CACNA2D3: variants seen among roughly 807,000 people sequenced by gnomAD.
CACNA2D3 encodes the protein voltage-dependent calcium channel subunit alpha-2/delta-3.
Under a neutral mutation model 160.6 loss-of-function variants are expected in CACNA2D3, and 60 were observed. That is an observed-to-expected ratio of 0.37 (90% CI 0.30 to 0.46). The LOEUF (loss-of-function observed/expected upper bound fraction) is 0.46. CACNA2D3 is among the 20% of genes least tolerant of loss of function. The pLI, the probability that CACNA2D3 is intolerant of heterozygous loss-of-function variation, is 1.00. For missense variants in CACNA2D3, 1,205 were observed against 1,365.0 expected (o/e 0.88, Z 1.85); for synonymous variants, 558 against 492.9 (o/e 1.13, Z -1.75).
At chr3:54,652,783 C>T (rs1315976965) in intron 11 of CACNA2D3, among the ~76,000 whole-genome samples, 9 of 118,250 alleles carry the variant, frequency 7.6e-5, no homozygotes, top group Admixed American at 9.3e-5. Context: ...CCATGGGAGG[C>T]TTTTTTTTTT....
chr3:54,906,330 C>T (rs1700447649), intron 27 of CACNA2D3, among the ~76,000 whole-genome samples: 1 of 152,060 alleles, frequency 6.6e-6, no homozygotes. Context: ...ATGTGGTTGG[C>T]AGTGGCAAAG....
intron 4 of CACNA2D3, among the ~76,000 whole-genome samples, chr3:54,415,035 G>A (rs72973120): frequency 0.11 from 17,194 of 151,922 alleles, 1,189 homozygotes; most frequent in African/African-American, 0.18. Flanking sequence ...TGTAAAGGGG[G>A]CATTTGGGGA....
intron 2 of CACNA2D3, among the ~76,000 whole-genome samples, chr3:54,295,820 T>C (rs1703330184): frequency 6.6e-6 from 1 of 152,226 alleles, no homozygotes; most frequent in African/African-American, 2.4e-5. Flanking sequence ...CTATAAATTT[T>C]TGTAGTTATC....
In CACNA2D3 at chr3:54,489,599, G is replaced by A. The variant is rs923552212; in HGVS notation, c.382-13893G>A. On this transcript the variant is annotated intron_variant, in intron 4 of 37. Coordinates refer to ENST00000474759, the MANE Select transcript of CACNA2D3 (RefSeq NM_018398.3). ...GGTTATAAACTCATTTTATAGATGCGGAGCTGAGAGGCTGTAGATAAGGAG... is the reference window on the plus strand; with the variant it reads ...GGTTATAAACTCATTTTATAGATGCAGAGCTGAGAGGCTGTAGATAAGGAG... Among the ~76,000 whole-genome samples the A allele has an allele frequency of 6.6e-5, 10 of 152,168 alleles. 1 individual carries two copies. Among genetic ancestry groups the A allele is most frequent in the Non-Finnish European group, 8.8e-5 (6 of 68,042 alleles).
chr3:54,137,191 A>G (rs1699829809), intron 2 of CACNA2D3, among the ~76,000 whole-genome samples: 1 of 152,210 alleles, frequency 6.6e-6, no homozygotes. Context: ...GGCGGCATGA[A>G]TGGAGATTTT....
intron 4 of CACNA2D3, among the ~76,000 whole-genome samples, chr3:54,442,761 C>T (rs1700164135): frequency 6.6e-6 from 1 of 152,140 alleles, no homozygotes; most frequent in South Asian, 2.1e-4. Context: ...TCTAGGTGTC[C>T]ATTCAATATG....
chr3:54,976,121 C>T (rs888884435), intron 29 of CACNA2D3, among the ~76,000 whole-genome samples: 3 of 151,290 alleles, frequency 2.0e-5, no homozygotes, highest in Non-Finnish European at 2.9e-5. Flanking sequence ...TTTTTTCAAA[C>T]AAGCAAAGCC....
intron 11 of CACNA2D3, among the ~76,000 whole-genome samples, chr3:54,686,770 A>G (rs1700455712): frequency 6.6e-6 from 1 of 152,106 alleles, no homozygotes; most frequent in Admixed American, 6.6e-5. Context: ...CTTTTTGGCA[A>G]TTGCTGTGAT....
At chr3:55,050,504 T>C (rs1575452222) in intron 35 of CACNA2D3, among the ~76,000 whole-genome samples, 1 of 151,072 alleles carries the variant, frequency 6.6e-6, no homozygotes, top group South Asian at 2.1e-4. Flanking sequence ...CCTTTGAGGG[T>C]AACTCGACCT....
At chr3:54,509,513 T>C (rs1175127062) in intron 5 of CACNA2D3, among the ~76,000 whole-genome samples, 7 of 152,080 alleles carry the variant, frequency 4.6e-5, no homozygotes, top group African/African-American at 1.4e-4. Flanking sequence ...TAACTTGGTA[T>C]TGGGAGTCAA....
At chr3:54,459,003 ATGAG>A (rs1200896309) in intron 4 of CACNA2D3, among the ~76,000 whole-genome samples, 1 of 151,882 alleles carries the variant, frequency 6.6e-6, no homozygotes, top group African/African-American at 2.4e-5. Flanking sequence ...ATTCCCACCT[ATGAG>A]TGAGAACATG....
At chr3:54,967,674 A>C (rs1022591172) in intron 27 of CACNA2D3, among the ~76,000 whole-genome samples, 2 of 152,116 alleles carry the variant, frequency 1.3e-5, no homozygotes, top group Non-Finnish European at 2.9e-5. Flanking sequence ...TTACCATTTT[A>C]CTTCCTGAGA....
chr3:54,864,304 C>G, intron 17 of CACNA2D3, among the ~76,000 whole-genome samples: 1 of 150,804 alleles, frequency 6.6e-6, no homozygotes, highest in Non-Finnish European at 1.5e-5. Flanking sequence ...AAGACAGTCT[C>G]TCTCTGTCGC....
chr3:54,456,498 T>C (rs542131098), intron 4 of CACNA2D3, among the ~76,000 whole-genome samples: 1 of 152,036 alleles, frequency 6.6e-6, no homozygotes, highest in African/African-American at 2.4e-5. Context: ...TATAAGATCA[T>C]CTGCAAACAG....
chr3:54,852,278 G>A (rs1699075549), intron 17 of CACNA2D3, among the ~76,000 whole-genome samples: 1 of 152,224 alleles, frequency 6.6e-6, no homozygotes, highest in South Asian at 2.1e-4. Context: ...GCCTATTCTA[G>A]CCATGTAGGT....
intron 35 of CACNA2D3, among the ~76,000 whole-genome samples, chr3:55,026,729 CA>C (rs769419768): frequency 3.3e-5 from 5 of 152,162 alleles, no homozygotes; most frequent in Non-Finnish European, 5.9e-5. Flanking sequence ...ACAGAGGGGA[CA>C]AGGGCTGATC....
In CACNA2D3 at chr3:54,959,809, A is replaced by C. The variant is rs562854647; in HGVS notation, c.2450-8641A>C. Reference sequence around the variant, plus strand: ...ATATTATTTGAAGAACTTTGTGAGCATAAAATGATCTGACAAAAACAATTT... The same window carrying C: ...ATATTATTTGAAGAACTTTGTGAGCCTAAAATGATCTGACAAAAACAATTT... On this transcript the variant is annotated intron_variant, in intron 27 of 37. Coordinates refer to ENST00000474759, the MANE Select transcript of CACNA2D3 (RefSeq NM_018398.3). Among the ~76,000 whole-genome samples the C allele has an allele frequency of 1.1e-4, 16 of 152,346 alleles. No homozygotes were observed. The South Asian group carries it at 3.3e-3, about 32-fold the overall frequency.
chr3:55,063,228 G>A (rs749237797), intron 35 of CACNA2D3, among the ~76,000 whole-genome samples: 5 of 152,104 alleles, frequency 3.3e-5, no homozygotes, highest in Non-Finnish European at 7.3e-5. Context: ...TAGAAGGTGA[G>A]AAAGGCAGAA....
chr3:54,822,183 C>T (rs551584375), intron 14 of CACNA2D3, among the ~76,000 whole-genome samples: 36 of 152,086 alleles, frequency 2.4e-4, no homozygotes, highest in African/African-American at 8.4e-4. Flanking sequence ...TATATGCATT[C>T]CCAAGCCGGG....
Sources: gnomAD v4.1 joint callset for allele counts (sites outside exome capture counted in the v4.1 genomes callset) on GRCh38, gnomAD v4.1.1 for gene constraint, MANE v1.5 for transcripts, NCBI Gene and HGNC (gene_info 2026-07-23, HGNC 2026-07-21) for gene names.